The following SLC29A1 variants were observed in gnomAD, a reference collection of about 807,000 sequenced individuals.
The protein encoded by SLC29A1 is equilibrative nucleoside transporter 1.
In SLC29A1, 22 loss-of-function variants were observed where a neutral mutation model predicts 48.3. The observed-to-expected ratio is 0.46, with a 90% CI of 0.33 to 0.65. The LOEUF (loss-of-function observed/expected upper bound fraction) is 0.65. SLC29A1 is among the 30% of genes least tolerant of loss of function. The probability of loss-of-function intolerance (pLI) is 0.03; values close to 1 mark genes in which losing one functional copy is unlikely to be tolerated. For synonymous variants in SLC29A1, 228 were observed against 231.0 expected, an observed-to-expected ratio of 0.99 and a Z score of 0.12; for missense variants, 491 against 575.3, an observed-to-expected ratio of 0.85 and a Z score of 1.50.
chr6:44,231,265 C>T (rs1778800995), intron 8 of SLC29A1, 99 bp from the exon 9 acceptor site: 8 of 778,514 alleles, frequency 1.0e-5, no homozygotes, highest in East Asian at 5.3e-5. Context: ...GTTAAGGAGG[C>T]GTCTACTTTC....
chr6:44,227,881 G>A (rs1322526991), intron 2 of SLC29A1, among the ~76,000 whole-genome samples: 2 of 152,228 alleles, frequency 1.3e-5, no homozygotes, highest in Non-Finnish European at 1.5e-5. Context: ...GGCTGAGGAA[G>A]TGATCCCTGA....
rs575206711 is a variant in SLC29A1, at chr6:44,228,228, C to T, written c.29+886C>T. 6.6e-5 allele frequency among the ~76,000 whole-genome samples: 10 copies of T among 152,342 alleles called. No individual in the cohort carries two copies. The East Asian group carries it at 1.9e-3, about 29-fold the overall frequency. On this transcript the variant is annotated intron_variant, in intron 2 of 12. Coordinates refer to ENST00000371755, the MANE Select transcript of SLC29A1 (RefSeq NM_001372327.1). The stretch of plus-strand genomic sequence containing the variant: ...TGCCCATTCTGTCCCCACCTCCGCT[C>T]TCCTGTGGGCAGTTCCCTGAAGGCC...
chr6:44,227,525 C>T (rs1322757191), intron 2 of SLC29A1, among the ~76,000 whole-genome samples, 183 bp downstream of exon 2: 2 of 152,186 alleles, frequency 1.3e-5, no homozygotes, highest in African/African-American at 4.8e-5. Context: ...GGGGTGTCTG[C>T]GGGAAGGGCA....
upstream of SLC29A1, chr6:44,219,808 T>TGGCGG (rs770230750): frequency 5.8e-5 from 10 of 173,264 alleles, no homozygotes; most frequent in South Asian, 5.2e-4. Flanking sequence ...CCGGGGGGCC[T>TGGCGG]GGCGGGGCGG....
chr6:44,221,072 T>TG (rs2128335561), upstream of SLC29A1, among the ~76,000 whole-genome samples: 1 of 152,068 alleles, frequency 6.6e-6, no homozygotes, highest in Non-Finnish European at 1.5e-5. This position sits in a 1 kb window ranked among gnomAD's most constrained non-coding sequence, Gnocchi z 4.2. Context: ...TTTGTAGAGA[T>TG]GGGGTCTCAC....
chr6:44,233,609 G>A lies in SLC29A1; in HGVS notation c.*81G>A. 8.6e-7 allele frequency: 1 copy of A among 1,168,608 alleles called. No homozygotes were observed. Among genetic ancestry groups the A allele is most frequent in the Non-Finnish European group, 1.3e-6 (1 of 783,794 alleles). The allele number at this position is 1,168,608 out of a possible 1,614,324, so 72.4% of individuals were successfully genotyped here. On this transcript the variant is annotated 3_prime_UTR_variant, in exon 13 of 13. Transcript: ENST00000371755. Reference sequence around the variant, plus strand: ...CCTTCTGCCAGGGGTGATCCTGAGTGGTCTGGCGGTTTTTTCTTCTAACTG... The same window carrying A: ...CCTTCTGCCAGGGGTGATCCTGAGTAGTCTGGCGGTTTTTTCTTCTAACTG...
chr6:44,221,535 T>C (rs1776418521), upstream of SLC29A1: 1 of 977,676 alleles, frequency 1.0e-6, no homozygotes. The surrounding 1 kb of genome is among the most constrained non-coding windows in gnomAD (Gnocchi z 4.2). Context: ...GAATAAGGTG[T>C]AGAGTAGAGG....
chr6:44,231,512 T>C (rs966305279), intron 9 of SLC29A1, 51 bp downstream of exon 9: 2 of 1,178,974 alleles, frequency 1.7e-6, no homozygotes, highest in Admixed American at 1.9e-5. Context: ...CTTTCTCTCC[T>C]CCTTTTGCTC....
chr6:44,233,130 C>T, intron 12 of SLC29A1, 124 bp downstream of exon 12: 1 of 1,058,398 alleles, frequency 9.4e-7, no homozygotes, highest in Non-Finnish European at 1.4e-6. Context: ...AGAGATGGCT[C>T]AGGAGGGGCT....
At position 44,232,042 on chromosome 6, in the gene SLC29A1, C is replaced by T. The variant is rs752279641; in HGVS notation, c.909C>T (p.Thr303=). The T allele has an allele frequency of 6.2e-7, 1 of 1,614,072 alleles. No individual in the cohort carries two copies. ...CTGTCTGCTTCATCTTCACTATCAC[C>T]ATTGGGATGTTTCCAGCCGTGACTG... ...AFSVCFIFTI[T]IGMFPAVTVE... is the part of the protein sequence containing the mutation. Residue 303 remains threonine (T), a synonymous_variant, in exon 10 of 13, where the codon ACC becomes ACT. Transcript: ENST00000371755. The surrounding 1 kb of genome is among the most constrained non-coding windows in gnomAD (Gnocchi z 4.7).
chr6:44,231,261 G>A, intron 8 of SLC29A1, 103 bp from the exon 9 acceptor site: 1 of 763,172 alleles, frequency 1.3e-6, no homozygotes, highest in Non-Finnish European at 2.3e-6. Flanking sequence ...ACTGGTTAAG[G>A]AGGCGTCTAC....
In SLC29A1 at chr6:44,233,922, G is replaced by A; in HGVS notation, c.*394G>A. The stretch of plus-strand genomic sequence containing the variant: ...CCTGTCCTGGGGTGGCTAGGAGCTG[G>A]GTCTGACCGTTGTATGGTTTGACCT... On this transcript the variant is annotated 3_prime_UTR_variant, in exon 13 of 13. Coordinates refer to ENST00000371755, the MANE Select transcript of SLC29A1 (RefSeq NM_001372327.1). 1 of 230,298 alleles carries A rather than the reference G, an allele frequency of 4.3e-6. No individual in the cohort carries two copies. The highest frequency in any genetic ancestry group is 6.4e-5 in the South Asian group (1 of 15,504). The allele number at this position is 230,298 out of a possible 1,614,324, so 14.3% of individuals were successfully genotyped here.
In SLC29A1 at chr6:44,227,235, G is replaced by A. The variant is rs554676462; in HGVS notation, c.-51-28G>A. On this transcript the variant is annotated intron_variant, in intron 1 of 12. Transcript: ENST00000371755. The stretch of plus-strand genomic sequence containing the variant: ...GAGGCCTATGGCAGGGCCAAGACAG[G>A]GCCTCACACTGTTCCTGCCCCCAGC... The A allele has an allele frequency of 1.7e-3, 2,742 of 1,604,104 alleles. 47 individuals carry two copies. The African/African-American group carries it at 0.032, about 19-fold the overall frequency.
At chr6:44,227,045 G>A in intron 1 of SLC29A1, 2 of 1,342,700 alleles carry the variant, frequency 1.5e-6, no homozygotes, top group Non-Finnish European at 1.9e-6. Flanking sequence ...GCCAGGTAGA[G>A]TCTGAGCAGG....
Position 44,231,992 on chromosome 6 carries a change from A to G in SLC29A1, c.865-6A>G, listed in dbSNP as rs1779008175. 1 of 1,605,130 alleles carries G rather than the reference A, an allele frequency of 6.2e-7. No individual in the cohort carries two copies. The highest frequency in any genetic ancestry group is 1.7e-5 in the Admixed American group (1 of 59,958). On this transcript the variant is annotated splice_region_variant and splice_polypyrimidine_tract_variant and intron_variant, in intron 9 of 12. Coordinates refer to ENST00000371755, the MANE Select transcript of SLC29A1 (RefSeq NM_001372327.1). The stretch of plus-strand genomic sequence containing the variant: ...GCATTTGGGTGACTCTACCCCTTCT[A>G]TCTAGATCTCAGTCCTGGCTTTCTC...
chr6:44,227,280 C>G lies in SLC29A1; in HGVS notation c.-34C>G, dbSNP rs201536154. On this transcript the variant is annotated 5_prime_UTR_variant, in exon 2 of 13. Coordinates refer to ENST00000371755, the MANE Select transcript of SLC29A1 (RefSeq NM_001372327.1). ...CCCAGCAGGCCCCTGAGGGAGGGAG[C>G]TGTCAGCCAGGGAAAACCGAGAACA... 7.9e-5 allele frequency: 128 copies of G among 1,613,950 alleles called. No individual in the cohort carries two copies. In the East Asian group the frequency reaches 1.7e-3, roughly 21 times the overall value.
At position 44,229,184 on chromosome 6, in the gene SLC29A1, C is replaced by T. The variant is rs1042801896; in HGVS notation, c.30-206C>T. The stretch of plus-strand genomic sequence containing the variant: ...TGCCATTCAGTCCTATGACCCTGAC[C>T]CCATCCCCACCCCAAATTCCAACGA... On this transcript the variant is annotated intron_variant, in intron 2 of 12. Coordinates refer to ENST00000371755, the MANE Select transcript of SLC29A1 (RefSeq NM_001372327.1). The surrounding 1 kb of genome is among the most constrained non-coding windows in gnomAD (Gnocchi z 5.1). Among the ~76,000 whole-genome samples, 1 of 152,164 alleles carries T rather than the reference C, an allele frequency of 6.6e-6. No homozygotes were observed. The highest frequency in any genetic ancestry group is 1.5e-5 in the Non-Finnish European group (1 of 68,026).
Position 44,229,274 on chromosome 6 carries a change from C to T in SLC29A1, c.30-116C>T, listed in dbSNP as rs1296831449. 3.5e-5 allele frequency: 28 copies of T among 806,474 alleles called. No homozygotes were observed. The highest frequency in any genetic ancestry group is 2.7e-4 in the Middle Eastern group (1 of 3,744). The allele number at this position is 806,474 out of a possible 1,614,324, so 50.0% of individuals were successfully genotyped here. ...ACATGCAAACGGACACAAACACAGA[C>T]GCCCTGTGCCCTGGGACCTAGAGAG... On this transcript the variant is annotated intron_variant, in intron 2 of 12. Transcript: ENST00000371755. This position sits in a 1 kb window ranked among gnomAD's most constrained non-coding sequence, Gnocchi z 5.1.
chr6:44,224,595 C>T (rs796803034), intron 1 of SLC29A1, among the ~76,000 whole-genome samples: 3 of 152,336 alleles, frequency 2.0e-5, no homozygotes, highest in African/African-American at 7.2e-5. Flanking sequence ...GCAAGTGACT[C>T]AACCCCTCTG....
Sources: gnomAD v4.1 joint callset for allele counts (sites outside exome capture counted in the v4.1 genomes callset) on GRCh38, gnomAD v4.1.1 for gene constraint, Gnocchi (gnomAD v3.1) non-coding constraint, MANE v1.5 for transcripts, NCBI Gene and HGNC (gene_info 2026-07-23, HGNC 2026-07-21) for gene names.